CAMKMT: variants seen among roughly 807,000 people sequenced by gnomAD.
The protein encoded by CAMKMT is calmodulin-lysine N-methyltransferase.
CAMKMT carries 53 observed loss-of-function variants against 48.0 expected under a neutral mutation model. The observed-to-expected ratio is 1.10, with a 90% CI of 0.89 to 1.39. The LOEUF is 1.39. CAMKMT is among the 40% of genes most tolerant of loss of function. The pLI is 0.00. For missense variants in CAMKMT, 428 were observed against 402.7 expected (o/e 1.06, Z -0.54); for synonymous variants, 165 against 152.3 (o/e 1.08, Z -0.61).
chr2:44,503,831 G>T (rs1670121468), intron 3 of CAMKMT, among the ~76,000 whole-genome samples: 1 of 152,130 alleles, frequency 6.6e-6, no homozygotes, highest in African/African-American at 2.4e-5. Flanking sequence ...CTAAGATCAA[G>T]GTGCCTCCAG....
At chr2:44,711,284 C>A (rs1253982760) in intron 6 of CAMKMT, among the ~76,000 whole-genome samples, 1 of 152,102 alleles carries the variant, frequency 6.6e-6, no homozygotes, top group Non-Finnish European at 1.5e-5. Flanking sequence ...AAAATTAATT[C>A]AACCAATATT....
chr2:44,461,319 T>C (rs1202415232), intron 3 of CAMKMT, among the ~76,000 whole-genome samples: 1 of 152,108 alleles, frequency 6.6e-6, no homozygotes, highest in Non-Finnish European at 1.5e-5. Context: ...TCTAAGCAGT[T>C]TACTCATTAA....
chr2:44,650,851 G>GA (rs11362435), intron 3 of CAMKMT, among the ~76,000 whole-genome samples: 2,697 of 144,028 alleles, frequency 0.019, 57 homozygotes, highest in African/African-American at 0.056. Context: ...TATTGCACAA[G>GA]AAAAAAAAAA....
intron 7 of CAMKMT, among the ~76,000 whole-genome samples, chr2:44,734,156 G>A (rs879438245): frequency 6.6e-6 from 1 of 151,028 alleles, no homozygotes; most frequent in Admixed American, 6.6e-5. Flanking sequence ...TAGAAACTGA[G>A]TTCACTAATT....
At chr2:44,378,475 T>TTA (rs1679918693) in intron 2 of CAMKMT, among the ~76,000 whole-genome samples, 1 of 10,366 alleles carries the variant, frequency 9.6e-5, no homozygotes, top group African/African-American at 5.8e-4. Context: ...GAATTAAGTT[T>TTA]GTTTGTTTGT....
intron 10 of CAMKMT, among the ~76,000 whole-genome samples, chr2:44,770,284 T>C (rs1681048188): frequency 6.6e-6 from 1 of 152,334 alleles, no homozygotes; most frequent in Non-Finnish European, 1.5e-5. Context: ...CCTTTGAGGG[T>C]TGTCAGCTCT....
intron 3 of CAMKMT, among the ~76,000 whole-genome samples, chr2:44,504,932 G>C (rs530951188): frequency 6.6e-6 from 1 of 152,282 alleles, no homozygotes; most frequent in Non-Finnish European, 1.5e-5. Context: ...TTCTGGTGAT[G>C]GCCTCCAGCT....
chr2:44,434,347 T>A (rs901812574), intron 3 of CAMKMT, among the ~76,000 whole-genome samples: 2 of 152,174 alleles, frequency 1.3e-5, no homozygotes, highest in Non-Finnish European at 2.9e-5. Flanking sequence ...TTAAGTGTAT[T>A]GCAAATAACA....
At chr2:44,430,080 T>C (rs1014845095) in intron 3 of CAMKMT, among the ~76,000 whole-genome samples, 5 of 152,044 alleles carry the variant, frequency 3.3e-5, no homozygotes, top group African/African-American at 1.2e-4. Context: ...GGCTTTCGGC[T>C]ATGAATGTTT....
intron 3 of CAMKMT, among the ~76,000 whole-genome samples, chr2:44,531,585 C>A (rs1042764587): frequency 1.3e-5 from 2 of 152,110 alleles, no homozygotes; most frequent in African/African-American, 4.8e-5. Context: ...ATACTTTGTT[C>A]TGGTCATGTA....
Position 44,445,676 on chromosome 2 carries a change from T to G in CAMKMT, c.376+55371T>G, listed in dbSNP as rs1414309614. On this transcript the variant is annotated intron_variant, in intron 3 of 10. Transcript: ENST00000378494. Reference sequence around the variant, plus strand: ...TTTTTTTTTTTTTTTTTTTTTTTTTTTTTTTTTTTTTTTTTTTACCAGTTG... The same window carrying G: ...TTTTTTTTTTTTTTTTTTTTTTTTTGTTTTTTTTTTTTTTTTTACCAGTTG... 4.4e-4 allele frequency among the ~76,000 whole-genome samples: 22 copies of G among 49,454 alleles called. 1 individual carries two copies. The highest frequency in any genetic ancestry group is 2.7e-3 in the South Asian group (3 of 1,108). 32.4% of individuals were successfully genotyped at this position (49,454 alleles called of 152,430 possible).
intron 3 of CAMKMT, among the ~76,000 whole-genome samples, chr2:44,407,505 T>C (rs182810758): frequency 7.9e-4 from 120 of 152,330 alleles, no homozygotes; most frequent in South Asian, 2.7e-3. Flanking sequence ...GTCTTTTGCC[T>C]AGTGTCAGGG....
intron 3 of CAMKMT, among the ~76,000 whole-genome samples, chr2:44,678,159 C>T (rs139480554): frequency 3.9e-5 from 6 of 152,138 alleles, no homozygotes; most frequent in Admixed American, 3.9e-4. Context: ...ACCAACAAAA[C>T]CCCAAACAAT....
At chr2:44,640,319 A>T (rs1673380016) in intron 3 of CAMKMT, among the ~76,000 whole-genome samples, 1 of 152,152 alleles carries the variant, frequency 6.6e-6, no homozygotes, top group African/African-American at 2.4e-5. Flanking sequence ...TTCCCCTTTT[A>T]TGTAGAGTTT....
chr2:44,477,092 G>T (rs1036566361), intron 3 of CAMKMT, among the ~76,000 whole-genome samples: 2 of 152,164 alleles, frequency 1.3e-5, no homozygotes, highest in African/African-American at 4.8e-5. Context: ...GAAAAACATT[G>T]TAGGCATGTA....
chr2:44,467,526 C>T (rs372595030), intron 3 of CAMKMT, among the ~76,000 whole-genome samples: 25 of 146,990 alleles, frequency 1.7e-4, no homozygotes, highest in Admixed American at 2.8e-4. Context: ...GTGACAAGAG[C>T]GAAACTCTGT....
chr2:44,543,289 A>C (rs1273033543), intron 3 of CAMKMT, among the ~76,000 whole-genome samples: 1 of 152,202 alleles, frequency 6.6e-6, no homozygotes, highest in Non-Finnish European at 1.5e-5. Context: ...TATTTCTTCC[A>C]GTATGATTTC....
chr2:44,714,965 A>G (rs1344525100), intron 6 of CAMKMT, among the ~76,000 whole-genome samples: 2 of 152,136 alleles, frequency 1.3e-5, no homozygotes, highest in Non-Finnish European at 2.9e-5. Flanking sequence ...AAACTGAGAC[A>G]GGTGGATTAC....
intron 1 of CAMKMT, among the ~76,000 whole-genome samples, chr2:44,370,324 G>C (rs1387456049): frequency 1.3e-5 from 2 of 152,122 alleles, no homozygotes; most frequent in Non-Finnish European, 2.9e-5. Context: ...TTTGTGGTAA[G>C]TTTTATATTT....
Sources: allele counts gnomAD v4.1 joint callset (sites outside exome capture counted in the v4.1 genomes callset), GRCh38; gene constraint gnomAD v4.1.1; transcripts MANE v1.5; gene names NCBI Gene and HGNC (gene_info 2026-07-23, HGNC 2026-07-21).